RFX2: variants seen among roughly 807,000 people sequenced by gnomAD.
RFX2 encodes the protein regulatory factor X2.
In RFX2, 20 loss-of-function variants were observed where a neutral mutation model predicts 87.8. The ratio of observed to expected loss-of-function variants is 0.23; its 90% confidence interval spans 0.16 to 0.33. RFX2 has a LOEUF of 0.33. RFX2 is among the 10% of genes least tolerant of loss of function. The pLI is 1.00. For synonymous variants in RFX2, 397 were observed against 431.3 expected (o/e 0.92, Z 0.98); for missense variants, 767 against 1,012.3 (o/e 0.76, Z 3.29).
At chr19:6,055,582 C>G (rs565041043) in intron 1 of RFX2, among the ~76,000 whole-genome samples, 1 of 152,138 alleles carries the variant, frequency 6.6e-6, no homozygotes, top group Admixed American at 6.6e-5. Context: ...CAGCACCATA[C>G]CCGGCTAATT....
chr19:6,072,852 C>A, intron 1 of RFX2: 1 of 1,302,000 alleles, frequency 7.7e-7, no homozygotes, highest in Non-Finnish European at 1.1e-6. Flanking sequence ...TCGTGAAGCC[C>A]AAGATCGTCA....
At chr19:6,049,330 A>C (rs2087238977) in intron 1 of RFX2, 1 of 152,210 alleles carries the variant, frequency 6.6e-6, no homozygotes, top group Non-Finnish European at 1.5e-5. Context: ...TGCTGACTTG[A>C]CTAAGACCAG....
At chr19:6,088,144 T>C (rs1178703280) in intron 1 of RFX2, among the ~76,000 whole-genome samples, 1 of 146,334 alleles carries the variant, frequency 6.8e-6, no homozygotes, top group Non-Finnish European at 1.5e-5. Context: ...GCTCTAAGCC[T>C]AACCCAGGCT....
chr19:6,101,121 T>G lies in RFX2; in HGVS notation c.-9+9272A>C, dbSNP rs922149100. On this transcript the variant is annotated intron_variant, in intron 1 of 17. Transcript: ENST00000303657. The surrounding 1 kb of genome is among the most constrained non-coding windows in gnomAD (Gnocchi z 4.9). ...ACGATATATTAATACACGTAAATGC[T>G]TAACTAATTATAAGCTCCTCAGATG... is the stretch of plus-strand genomic sequence containing the variant. Among the ~76,000 whole-genome samples, 1 of 152,202 alleles carries G rather than the reference T, an allele frequency of 6.6e-6. No individual in the cohort carries two copies. The highest frequency in any genetic ancestry group is 2.1e-4 in the South Asian group (1 of 4,832).
In RFX2 at chr19:6,026,595, A is replaced by G. The variant is rs2144735023; in HGVS notation, c.523-358T>C. 1 of 298,474 alleles carries G rather than the reference A, an allele frequency of 3.4e-6. No individual in the cohort carries two copies. 18.5% of individuals were successfully genotyped at this position (298,474 alleles called of 1,614,324 possible). A position where few individuals can be genotyped will look rare whatever the true frequency, so the allele number is the denominator to read the frequency against. ...CCATTCCAGTGTCAGCCAAGCCAGC[A>G]TCATAGTCACCTGCTCCTTTCCCCA... On this transcript the variant is annotated intron_variant, in intron 5 of 17. Transcript: ENST00000303657. The surrounding 1 kb of genome is among the most constrained non-coding windows in gnomAD (Gnocchi z 4.5).
intron 5 of RFX2, among the ~76,000 whole-genome samples, chr19:6,028,076 A>G (rs2086912876): frequency 6.6e-6 from 1 of 152,114 alleles, no homozygotes; most frequent in African/African-American, 2.4e-5. Context: ...TTTGTTTTTA[A>G]AAGTTAAATG....
chr19:6,035,898 G>A (rs1473470119), intron 5 of RFX2, among the ~76,000 whole-genome samples: 2 of 142,744 alleles, frequency 1.4e-5, no homozygotes, highest in Non-Finnish European at 1.5e-5. Flanking sequence ...TGAAAACATA[G>A]CCTATTCACG....
Position 6,002,129 on chromosome 19 carries a change from C to T in RFX2, c.1651-106G>A. 3 of 988,498 alleles carry T rather than the reference C, an allele frequency of 3.0e-6. No individual in the cohort carries two copies. The highest frequency in any genetic ancestry group is 4.3e-6 in the Non-Finnish European group (3 of 695,564). The allele number at this position is 988,498 out of a possible 1,614,324, so 61.2% of individuals were successfully genotyped here. On this transcript the variant is annotated intron_variant, in intron 14 of 17. Transcript: ENST00000303657. The surrounding 1 kb of genome is among the most constrained non-coding windows in gnomAD (Gnocchi z 6.7). ...GCGGGACATCGTGCTGTGCTTGAGC[C>T]TTCTCGCCCTTGACCTTGACAGCTG... is the stretch of plus-strand genomic sequence containing the variant.
intron 7 of RFX2, among the ~76,000 whole-genome samples, chr19:6,015,342 T>C (rs1417647025): frequency 6.6e-6 from 1 of 151,718 alleles, no homozygotes; most frequent in Middle Eastern, 3.2e-3. Flanking sequence ...GGCAGGAGAA[T>C]TGGTTGAACC....
rs1185124896 is a variant in RFX2 at position 5,994,870 on chromosome 19, G to A, written c.2137C>T (p.Arg713Cys). 6 of 1,610,480 alleles carry A rather than the reference G, an allele frequency of 3.7e-6. No homozygotes were observed. In the East Asian group the frequency reaches 1.1e-4, roughly 30 times the overall value. ...TGCAGGGAGTGGTTGGGGTCACTGC[G>A]CTCCCGCTTTACCAGGGGCTCACCC... ...SLGEPLVKRE[R>C]SDPNHSLQGI Residue 713 changes from arginine (R) to cysteine (C), a missense_variant, in exon 18 of 18, where the codon CGC becomes TGC. Around this residue, in one of 2 missense-constraint regions of RFX2, gnomAD observed 621 missense variants for 873.0 expected, o/e 0.71. Coordinates refer to ENST00000303657, the MANE Select transcript of RFX2 (RefSeq NM_000635.4).
At position 5,998,963 on chromosome 19, in the gene RFX2, G is replaced by C. The variant is rs1281638406; in HGVS notation, c.1860-1750C>G. On this transcript the variant is annotated intron_variant, in intron 15 of 17. Transcript: ENST00000303657. The surrounding 1 kb of genome is among the most constrained non-coding windows in gnomAD (Gnocchi z 4.2). ...TTATGACTGCACTGCACGTGCATAAGAATGAAGTCAGACCAGGCGTGGTGG... is the reference window on the plus strand; with the variant it reads ...TTATGACTGCACTGCACGTGCATAACAATGAAGTCAGACCAGGCGTGGTGG... 6.6e-6 allele frequency among the ~76,000 whole-genome samples: 1 copy of C among 152,220 alleles called. No individual in the cohort carries two copies. The highest frequency in any genetic ancestry group is 2.1e-4 in the South Asian group (1 of 4,826).
Position 6,016,085 on chromosome 19 carries a change from C to T in RFX2, c.779+5G>A, listed in dbSNP as rs1207986253. On this transcript the variant is annotated splice_donor_5th_base_variant and intron_variant, in intron 7 of 17. Coordinates refer to ENST00000303657, the MANE Select transcript of RFX2 (RefSeq NM_000635.4). This position sits in a 1 kb window ranked among gnomAD's most constrained non-coding sequence, Gnocchi z 5.4. ...GAACAGGTGGGCTGGGGATCGTCTACCCACCTGGTGCCCAGCCGCCGCGTT... is the reference window on the plus strand; with the variant it reads ...GAACAGGTGGGCTGGGGATCGTCTATCCACCTGGTGCCCAGCCGCCGCGTT... 1.3e-6 allele frequency: 2 copies of T among 1,590,754 alleles called. No individual in the cohort carries two copies. The highest frequency in any genetic ancestry group is 1.7e-6 in the Non-Finnish European group (2 of 1,166,656).
At chr19:6,000,450 T>C (rs878892602) in intron 15 of RFX2, among the ~76,000 whole-genome samples, 2 of 152,338 alleles carry the variant, frequency 1.3e-5, no homozygotes, top group Admixed American at 6.5e-5. Flanking sequence ...GGCAGTGATA[T>C]GGTTTGGCTC....
intron 5 of RFX2, among the ~76,000 whole-genome samples, chr19:6,038,347 A>C (rs941363317): frequency 1.3e-4 from 19 of 150,732 alleles, no homozygotes; most frequent in African/African-American, 4.6e-4. Context: ...AAAAAAAAAA[A>C]AAAAACCCAA....
In RFX2 at chr19:6,010,377, T is replaced by C. The variant is rs1356397927; in HGVS notation, c.900-126A>G. 6.2e-6 allele frequency: 4 copies of C among 648,700 alleles called. No homozygotes were observed. Among genetic ancestry groups the C allele is most frequent in the African/African-American group, 1.8e-5 (1 of 55,894 alleles). The allele number at this position is 648,700 out of a possible 1,614,324, so 40.2% of individuals were successfully genotyped here. A position where few individuals can be genotyped will look rare whatever the true frequency, so the allele number is the denominator to read the frequency against. On this transcript the variant is annotated intron_variant, in intron 8 of 17. Coordinates refer to ENST00000303657, the MANE Select transcript of RFX2 (RefSeq NM_000635.4). This position sits in a 1 kb window ranked among gnomAD's most constrained non-coding sequence, Gnocchi z 5.0. ...GTGATGTTTACAAGTTGCGGTCAAATACACATAACACAAAAGCTACCATCG... is the reference window on the plus strand; with the variant it reads ...GTGATGTTTACAAGTTGCGGTCAAACACACATAACACAAAAGCTACCATCG...
intron 1 of RFX2, among the ~76,000 whole-genome samples, chr19:6,048,036 C>T (rs1229427210): frequency 2.0e-5 from 3 of 152,320 alleles, no homozygotes; most frequent in Non-Finnish European, 2.9e-5. Context: ...GCACCCCTGG[C>T]CTCCACCCAT....
chr19:6,036,632 C>T (rs2087029248), intron 5 of RFX2, among the ~76,000 whole-genome samples: 2 of 152,076 alleles, frequency 1.3e-5, no homozygotes, highest in African/African-American at 4.8e-5. Flanking sequence ...CCAATGAAGA[C>T]AAAAATATGC....
rs527720208 is a variant in RFX2 at position 6,062,312 on chromosome 19, G to T, written c.-8-14808C>A. Among the ~76,000 whole-genome samples, 231 of 152,304 alleles carry T rather than the reference G, an allele frequency of 1.5e-3. 2 individuals are homozygous for T. Among genetic ancestry groups the T allele is most frequent in the Non-Finnish European group, 3.8e-4 (26 of 68,032 alleles). ...CAGACTGCGGGCAAAGCTGGTATAC[G>T]TGGGGGCTGACTGACTCTGAGGAAG... is the stretch of plus-strand genomic sequence containing the variant. On this transcript the variant is annotated intron_variant, in intron 1 of 17. Transcript: ENST00000303657.
chr19:6,000,723 T>C (rs1363343940), intron 15 of RFX2, among the ~76,000 whole-genome samples: 1 of 152,264 alleles, frequency 6.6e-6, no homozygotes, highest in Non-Finnish European at 1.5e-5. Context: ...GGTGGAACTG[T>C]GAGTCCATTC....
Sources: allele counts gnomAD v4.1 joint callset (sites outside exome capture counted in the v4.1 genomes callset), GRCh38; gene constraint gnomAD v4.1.1; regional missense constraint gnomAD v4.1.1; non-coding constraint Gnocchi (gnomAD v3.1); transcripts MANE v1.5; gene names NCBI Gene and HGNC (gene_info 2026-07-23, HGNC 2026-07-21).